Variants in RUNX2 observed in about 807,000 individuals in gnomAD.
The protein encoded by RUNX2 is runt-related transcription factor 2.
RUNX2 carries 10 observed loss-of-function variants against 51.7 expected under a neutral mutation model. That is an observed-to-expected ratio of 0.19 (90% CI 0.12 to 0.33). The LOEUF is 0.33. Among genes scored for constraint, RUNX2 ranks in the 10% least tolerant of loss-of-function variants. The pLI, the probability that RUNX2 is intolerant of heterozygous loss-of-function variation, is 1.00. For missense variants in RUNX2, 562 were observed against 691.3 expected (o/e 0.81, Z 2.10); for synonymous variants, 276 against 273.6 (o/e 1.01, Z -0.09).
chr6:45,372,353 T>C (rs928192774), intron 2 of RUNX2, among the ~76,000 whole-genome samples: 2 of 152,208 alleles, frequency 1.3e-5, no homozygotes, highest in Non-Finnish European at 2.9e-5. Flanking sequence ...GATTAACTCA[T>C]GCAAAAGCAT....
intron 6 of RUNX2, among the ~76,000 whole-genome samples, chr6:45,500,148 C>T (rs1800764551): frequency 6.6e-6 from 1 of 152,106 alleles, no homozygotes; most frequent in Non-Finnish European, 1.5e-5. Context: ...GGTATATTTT[C>T]ACACTAAATA....
rs550883071 is a variant in RUNX2 at position 45,547,372 on chromosome 6, TAG to T, written c.*74_*75del. ...CCACACGTATCAATATATACATATA[TAG>T]AGAGAGTGCATATATATGTATATCG... On this transcript the variant is annotated 3_prime_UTR_variant, in exon 9 of 9. Transcript: ENST00000647337. The T allele has an allele frequency of 8.2e-7, 1 of 1,225,152 alleles. No homozygotes were observed. The highest frequency in any genetic ancestry group is 1.2e-6 in the Non-Finnish European group (1 of 829,944). The allele number at this position is 1,225,152 out of a possible 1,614,324, so 75.9% of individuals were successfully genotyped here.
At chr6:45,501,197 C>T (rs1275660571) in intron 6 of RUNX2, among the ~76,000 whole-genome samples, 3 of 152,336 alleles carry the variant, frequency 2.0e-5, no homozygotes, top group Admixed American at 6.5e-5. Flanking sequence ...TATGCCTGAC[C>T]AGGTCAGTAG....
At chr6:45,499,068 G>A (rs1251429503) in intron 6 of RUNX2, among the ~76,000 whole-genome samples, 1 of 152,148 alleles carries the variant, frequency 6.6e-6, no homozygotes, top group Non-Finnish European at 1.5e-5. Flanking sequence ...GAGGAGAGTG[G>A]GAGTCAAGTG....
At chr6:45,545,045 CT>C (rs1802355307) in intron 7 of RUNX2, among the ~76,000 whole-genome samples, 171 bp from the exon 8 acceptor site, 2 of 152,126 alleles carry the variant, frequency 1.3e-5, no homozygotes, top group Admixed American at 1.3e-4. Flanking sequence ...TGCTCACTAG[CT>C]TTTACCCTCT....
rs748015701 is a variant in RUNX2 at position 45,422,780 on chromosome 6, G to T, written c.246G>T (p.Ala82=). 12 of 1,398,402 alleles carry T rather than the reference G, an allele frequency of 8.6e-6. No homozygotes were observed. Among genetic ancestry groups the T allele is most frequent in the African/African-American group, 3.0e-5 (2 of 66,786 alleles). The allele number at this position is 1,398,402 out of a possible 1,614,324, so 86.6% of individuals were successfully genotyped here. ...EAAAAAAAAA[A]AAAAAAAVPR... is the part of the protein sequence containing the mutation. ...CGGCGGCGGCTGCGGCGGCGGCGGC[G>T]GCTGCGGCGGCGGCAGCTGCAGTGC... Residue 82 remains alanine (A), a synonymous_variant, in exon 3 of 9, where the codon GCG becomes GCT. Coordinates refer to ENST00000647337, the MANE Select transcript of RUNX2 (RefSeq NM_001024630.4).
intron 2 of RUNX2, among the ~76,000 whole-genome samples, chr6:45,351,432 A>G (rs1653320022): frequency 6.6e-6 from 1 of 152,184 alleles, no homozygotes; most frequent in Non-Finnish European, 1.5e-5. Context: ...GGAAGAGAGA[A>G]AAATAAAAAG....
chr6:45,358,828 A>C (rs1198149944), intron 2 of RUNX2, among the ~76,000 whole-genome samples: 1 of 152,168 alleles, frequency 6.6e-6, no homozygotes, highest in East Asian at 1.9e-4. Flanking sequence ...CACTCTAAAA[A>C]TAAAAAAAGA....
intron 2 of RUNX2, among the ~76,000 whole-genome samples, chr6:45,394,956 G>T (rs749839883): frequency 3.9e-5 from 6 of 152,170 alleles, no homozygotes; most frequent in African/African-American, 1.4e-4. Context: ...GAATGGGTGT[G>T]TGTGGGGGGG....
chr6:45,431,971 C>A lies in RUNX2; in HGVS notation c.532C>A (p.Gln178Lys). The A allele has an allele frequency of 6.2e-7, 1 of 1,614,074 alleles. No homozygotes were observed. The highest frequency in any genetic ancestry group is 2.2e-5 in the East Asian group (1 of 44,862). Residue 178 changes from glutamine to lysine, a missense_variant, in exon 4 of 9, where the codon CAA becomes AAA. Gln to Lys is a moderately conservative substitution (Grantham distance 53). Coordinates refer to ENST00000647337, the MANE Select transcript of RUNX2 (RefSeq NM_001024630.4). ...LRNASAVMKN[Q>K]VARFNDLRFV... ...GAATGCCTCTGCTGTTATGAAAAAC[C>A]AAGTAGCAAGGTTCAACGATCTGAG...
chr6:45,432,141 G>C (rs974131444), intron 4 of RUNX2, 122 bp downstream of exon 4: 34 of 942,616 alleles, frequency 3.6e-5, no homozygotes, highest in Non-Finnish European at 4.8e-5. Flanking sequence ...CTGAAGATTT[G>C]ATTTAAATAC....
chr6:45,456,729 A>G (rs979394072), intron 5 of RUNX2, among the ~76,000 whole-genome samples: 2 of 152,202 alleles, frequency 1.3e-5, no homozygotes, highest in African/African-American at 2.4e-5. Context: ...GACCTGCCCT[A>G]TGGGCTGGGT....
intron 3 of RUNX2, among the ~76,000 whole-genome samples, chr6:45,424,398 A>G (rs532154815): frequency 2.3e-4 from 35 of 152,326 alleles, no homozygotes; most frequent in African/African-American, 8.4e-4. Context: ...CCAGGGATGC[A>G]GGGGTGGTAA....
At chr6:45,426,947 T>C (rs1798398180) in intron 3 of RUNX2, among the ~76,000 whole-genome samples, 1 of 152,196 alleles carries the variant, frequency 6.6e-6, no homozygotes, top group African/African-American at 2.4e-5. Context: ...TGAATCTCAT[T>C]GTATCTAAAC....
chr6:45,485,327 C>T (rs529060174), intron 5 of RUNX2, among the ~76,000 whole-genome samples: 6 of 151,942 alleles, frequency 3.9e-5, no homozygotes, highest in South Asian at 4.2e-4. Flanking sequence ...CTCAGCCTCC[C>T]GAGTAGCTGG....
chr6:45,368,063 C>A (rs982579741), intron 2 of RUNX2, among the ~76,000 whole-genome samples: 1 of 151,238 alleles, frequency 6.6e-6, no homozygotes, highest in Non-Finnish European at 1.5e-5. Flanking sequence ...AAAGCAGAAG[C>A]ACTCAAGTCA....
At chr6:45,527,035 G>A (rs1801692346) in intron 7 of RUNX2, among the ~76,000 whole-genome samples, 1 of 152,174 alleles carries the variant, frequency 6.6e-6, no homozygotes. Flanking sequence ...AAGTAAAATA[G>A]AGTGATGTGA....
intron 2 of RUNX2, among the ~76,000 whole-genome samples, chr6:45,412,662 G>GT (rs1408701305): frequency 6.6e-6 from 1 of 151,138 alleles, no homozygotes; most frequent in East Asian, 1.9e-4. Flanking sequence ...TAAAAAAACA[G>GT]TTTTTTTCCT....
intron 2 of RUNX2, among the ~76,000 whole-genome samples, chr6:45,387,640 A>T (rs150231653): frequency 2.6e-4 from 40 of 152,310 alleles, no homozygotes; most frequent in African/African-American, 9.1e-4. Flanking sequence ...TCTAGCTTCT[A>T]TCCGCACCAT....
Sources: allele counts gnomAD v4.1 joint callset (sites outside exome capture counted in the v4.1 genomes callset), GRCh38; gene constraint gnomAD v4.1.1; transcripts MANE v1.5; gene names NCBI Gene and HGNC (gene_info 2026-07-23, HGNC 2026-07-21).